The following E2F4 variants were observed in gnomAD, a reference collection of about 807,000 sequenced individuals.
E2F4 encodes the protein transcription factor E2F4.
E2F4 carries 16 observed loss-of-function variants against 44.5 expected under a neutral mutation model. That is an observed-to-expected ratio of 0.36 (90% confidence interval 0.24 to 0.55). E2F4 has a LOEUF of 0.55. Among genes scored for constraint, E2F4 ranks in the 20% least tolerant of loss-of-function variants. The probability of loss-of-function intolerance (pLI) is 0.87; values close to 1 mark genes in which losing one functional copy is unlikely to be tolerated. For synonymous variants in E2F4, 242 were observed against 207.2 expected (o/e 1.17, Z -1.44); for missense variants, 473 against 522.1 (o/e 0.91, Z 0.92).
At position 67,195,811 on chromosome 16, in the gene E2F4, G is replaced by T. The variant is rs2032957403; in HGVS notation, c.838G>T (p.Asp280Tyr). ...VSGGPGTDSK[D>Y]SGELSSLPLG... ...TGGCGGCCCTGGGACTGATAGCAAG[G>T]ACAGTGGTGAGCTCAGTTCACTCCC... Residue 280 changes from aspartate (D) to tyrosine (Y), a missense_variant, in exon 7 of 10, where the codon GAC becomes TAC. Around this residue, in one of 3 missense-constraint regions of E2F4, gnomAD observed 314 missense variants for 315.6 expected, o/e 0.99. Coordinates refer to ENST00000379378, the MANE Select transcript of E2F4 (RefSeq NM_001950.4). The T allele has an allele frequency of 6.2e-7, 1 of 1,614,094 alleles. No individual in the cohort carries two copies. The highest frequency in any genetic ancestry group is 2.2e-5 in the East Asian group (1 of 44,882).
chr16:67,197,527 G>A (rs1368790769), intron 7 of E2F4, 72 bp from the exon 8 acceptor site: 6 of 1,546,820 alleles, frequency 3.9e-6, no homozygotes, highest in Middle Eastern at 1.7e-4. Flanking sequence ...TATAGGATCC[G>A]AGGAAGCCAG....
At chr16:67,196,028 G>T (rs750280060) in intron 7 of E2F4, 22 bp downstream of exon 7, 2 of 1,612,762 alleles carry the variant, frequency 1.2e-6, no homozygotes, top group African/African-American at 2.7e-5. Flanking sequence ...CCCCCTGGGG[G>T]CAGAGAGAGA....
chr16:67,193,283 A>C (rs985030636), intron 3 of E2F4, 113 bp downstream of exon 3: 1 of 1,517,474 alleles, frequency 6.6e-7, no homozygotes, highest in Non-Finnish European at 9.0e-7. Context: ...GCCATGGCCC[A>C]GCCTCAGGCT....
At position 67,195,842 on chromosome 16, in the gene E2F4, G is replaced by T; in HGVS notation, c.869G>T (p.Gly290Val). ...DSGELSSLPL[G>V]PTTLDTRPLQ... is the part of the protein sequence containing the mutation. Reference sequence around the variant, plus strand: ...GGTGAGCTCAGTTCACTCCCACTGGGCCCAACAACACTGGACACCCGGCCA... The same window carrying T: ...GGTGAGCTCAGTTCACTCCCACTGGTCCCAACAACACTGGACACCCGGCCA... The change falls in exon 7 of 10, where the codon GGC becomes GTC. Residue 290 changes from glycine (G) to valine (V), a missense_variant. Transcript: ENST00000379378. 6.2e-7 allele frequency: 1 copy of T among 1,614,008 alleles called. No homozygotes were observed. The highest frequency in any genetic ancestry group is 8.5e-7 in the Non-Finnish European group (1 of 1,180,000).
At chr16:67,192,949 CAG>C in intron 2 of E2F4, 58 bp from the exon 3 acceptor site, 18 of 1,561,458 alleles carry the variant, frequency 1.2e-5, no homozygotes, top group Non-Finnish European at 1.3e-5. Flanking sequence ...CCGAAGAAGG[CAG>C]GGGCCATGGG....
chr16:67,194,636 A>C, intron 5 of E2F4, 50 bp from the exon 6 acceptor site: 1 of 1,593,546 alleles, frequency 6.3e-7, no homozygotes, highest in Non-Finnish European at 8.6e-7. Context: ...GCAGGAGCCA[A>C]GCCTGCTTAC....
chr16:67,197,851 C>T lies in E2F4; in HGVS notation c.1082-16C>T, dbSNP rs2032996433. On this transcript the variant is annotated splice_polypyrimidine_tract_variant and intron_variant, in intron 8 of 9. Coordinates refer to ENST00000379378, the MANE Select transcript of E2F4 (RefSeq NM_001950.4). Reference sequence around the variant, plus strand: ...GGGAGCTGGAATGTTAGTAACTGAGCTCCCTCCATTCCCAGAGTGCATGAG... The same window carrying T: ...GGGAGCTGGAATGTTAGTAACTGAGTTCCCTCCATTCCCAGAGTGCATGAG... The T allele has an allele frequency of 1.2e-6, 2 of 1,614,038 alleles. No homozygotes were observed. The highest frequency in any genetic ancestry group is 2.2e-5 in the South Asian group (2 of 91,076).
At chr16:67,194,480 G>A (rs895193307) in intron 5 of E2F4, 21 bp downstream of exon 5, 1 of 1,613,238 alleles carries the variant, frequency 6.2e-7, no homozygotes, top group East Asian at 2.2e-5. Context: ...AGCCCAGGCA[G>A]GCGGGGTCAG....
chr16:67,194,352 T>C, intron 4 of E2F4, 46 bp from the exon 5 acceptor site: 1 of 1,605,752 alleles, frequency 6.2e-7, no homozygotes, highest in Non-Finnish European at 8.5e-7. Context: ...TGTTCCCAGC[T>C]CAGATTGAGC....
chr16:67,195,278 G>A (rs1474547749), intron 6 of E2F4, among the ~76,000 whole-genome samples: 1 of 152,186 alleles, frequency 6.6e-6, no homozygotes, highest in Non-Finnish European at 1.5e-5. Flanking sequence ...GGGATTACAG[G>A]CGCCCACCAT....
In E2F4 at chr16:67,194,730, G is replaced by T. The variant is rs775328540; in HGVS notation, c.558G>T (p.Val186=). Residue 186 remains valine (V), a synonymous_variant, in exon 6 of 10, where the codon GTG becomes GTT. Coordinates refer to ENST00000379378, the MANE Select transcript of E2F4 (RefSeq NM_001950.4). ...AGTACCAGATTCACCTGAAGAGTGT[G>T]AGTGGTCCCATTGAGGTTCTGCTGG... The part of the protein sequence containing the change: ...QKKYQIHLKS[V]SGPIEVLLVN... 4.3e-6 allele frequency: 7 copies of T among 1,614,180 alleles called. No homozygotes were observed. Among genetic ancestry groups the T allele is most frequent in the Non-Finnish European group, 5.9e-6 (7 of 1,180,020 alleles).
At chr16:67,197,372 G>A (rs1353424327) in intron 7 of E2F4, among the ~76,000 whole-genome samples, 2 of 152,192 alleles carry the variant, frequency 1.3e-5, no homozygotes, top group African/African-American at 4.8e-5. Flanking sequence ...TAGAAAAGCT[G>A]TACCAATCGC....
At position 67,197,612 on chromosome 16, in the gene E2F4, C is replaced by A. The variant is rs542030769; in HGVS notation, c.1047C>A (p.Pro349=). 6.2e-7 allele frequency: 1 copy of A among 1,614,178 alleles called. No individual in the cohort carries two copies. ...KADPTGVLEL[P]KELSEIFDPT... ...CTTGTTTTTCAGTTTTGGAACTCCCCAAAGAGCTGTCAGAAATCTTTGATC... is the reference window on the plus strand; with the variant it reads ...CTTGTTTTTCAGTTTTGGAACTCCCAAAAGAGCTGTCAGAAATCTTTGATC... The change falls in exon 8 of 10, where the codon CCC becomes CCA. Residue 349 remains proline (P), a synonymous_variant. Transcript: ENST00000379378.
intron 6 of E2F4, chr16:67,195,562 C>A: frequency 1.0e-6 from 1 of 958,504 alleles, no homozygotes; most frequent in Non-Finnish European, 1.5e-6. Flanking sequence ...ATGGCCACAG[C>A]AGACATGTTG....
At position 67,195,868 on chromosome 16, in the gene E2F4, C is replaced by T. The variant is rs1167241123; in HGVS notation, c.895C>T (p.Leu299=). 10 of 1,614,020 alleles carry T rather than the reference C, an allele frequency of 6.2e-6. No homozygotes were observed. Residue 299 remains leucine, a synonymous_variant, in exon 7 of 10, where the codon CTG becomes TTG. Coordinates refer to ENST00000379378, the MANE Select transcript of E2F4 (RefSeq NM_001950.4). ...LGPTTLDTRP[L]QSSALLDSSS... is the part of the protein sequence containing the mutation. ...CCCAACAACACTGGACACCCGGCCA[C>T]TGCAGTCTTCTGCCCTGCTGGACAG... is the stretch of plus-strand genomic sequence containing the variant.
intron 7 of E2F4, among the ~76,000 whole-genome samples, chr16:67,196,664 A>T (rs565338324): frequency 1.3e-5 from 2 of 152,248 alleles, no homozygotes; most frequent in South Asian, 4.1e-4. Context: ...ATCTTTTCCC[A>T]ATCTGCACAC....
chr16:67,193,076 G>C lies in E2F4; in HGVS notation c.313G>C (p.Glu105Gln), dbSNP rs1389030539. ...DKLIELKAEIEELQQREQELD... is the reference protein window; with the variant it reads ...DKLIELKAEIQELQQREQELD... The stretch of plus-strand genomic sequence containing the variant: ...ACTGATTGAGCTCAAGGCAGAGATC[G>C]AGGAGCTGCAGCAGCGGGAGCAAGA... The change falls in exon 3 of 10, where the codon GAG becomes CAG. Residue 105 changes from glutamate to glutamine, a missense_variant. Glu to Gln is a conservative substitution (Grantham distance 29). This residue lies in a region of E2F4 where 119 missense variants were observed against 175.6 expected (regional missense o/e 0.68). Transcript: ENST00000379378. The C allele has an allele frequency of 1.3e-6, 2 of 1,570,244 alleles. No individual in the cohort carries two copies. The highest frequency in any genetic ancestry group is 1.4e-5 in the African/African-American group (1 of 74,034).
chr16:67,194,248 G>A (rs991737015), intron 4 of E2F4, 150 bp from the exon 5 acceptor site: 27 of 756,402 alleles, frequency 3.6e-5, no homozygotes, highest in African/African-American at 2.3e-4. Context: ...AAGAGCTTTA[G>A]CTCTGCCTGG....
rs775026507 is a variant in E2F4 at position 67,192,998 on chromosome 16, C to G, written c.246-11C>G. 1 of 1,566,810 alleles carries G rather than the reference C, an allele frequency of 6.4e-7. No individual in the cohort carries two copies. Among genetic ancestry groups the G allele is most frequent in the Admixed American group, 1.9e-5 (1 of 52,702 alleles). On this transcript the variant is annotated splice_polypyrimidine_tract_variant and intron_variant, in intron 2 of 9. Transcript: ENST00000379378. ...TCAGCAGTCCCTCTCAGCCCCACTC[C>G]CTGGGCTCAGGGGTGTGGGGCCTGG...
Sources: allele counts gnomAD v4.1 joint callset (sites outside exome capture counted in the v4.1 genomes callset), GRCh38; gene constraint gnomAD v4.1.1; regional missense constraint gnomAD v4.1.1; transcripts MANE v1.5; gene names NCBI Gene and HGNC (gene_info 2026-07-23, HGNC 2026-07-21).